AEBP2: variants seen among roughly 807,000 people sequenced by gnomAD.
AEBP2 encodes the protein zinc finger protein AEBP2.
In AEBP2, 10 loss-of-function variants were observed where a neutral mutation model predicts 50.8. The observed-to-expected ratio is 0.20, with a 90% CI of 0.12 to 0.33. The LOEUF is 0.33. Among genes scored for constraint, AEBP2 ranks in the 10% least tolerant of loss-of-function variants. The pLI, the probability that AEBP2 is intolerant of heterozygous loss-of-function variation, is 1.00. For missense variants in AEBP2, 570 were observed against 688.0 expected, an observed-to-expected ratio of 0.83 and a Z score of 1.92; for synonymous variants, 296 against 261.3, an observed-to-expected ratio of 1.13 and a Z score of -1.28.
At chr12:19,441,379 T>C (rs1399059741) in intron 1 of AEBP2, among the ~76,000 whole-genome samples, 2 of 152,220 alleles carry the variant, frequency 1.3e-5, no homozygotes, top group East Asian at 3.9e-4. Flanking sequence ...AAAACGAGAA[T>C]CACATGCATA....
chr12:19,404,168 T>C (rs2095734798), exon 1 of AEBP2: 1 of 152,296 alleles, frequency 6.6e-6, no homozygotes, highest in South Asian at 2.1e-4. Flanking sequence ...TCTTAACCTG[T>C]GACCATCGCC....
chr12:19,413,210 A>T (rs2095740418), intron 1 of AEBP2: 1 of 785,442 alleles, frequency 1.3e-6, no homozygotes, highest in Non-Finnish European at 2.4e-6. Context: ...AATGAGAAAC[A>T]GTATCTTAAC....
chr12:19,474,947 C>G (rs892117978), intron 3 of AEBP2, among the ~76,000 whole-genome samples: 1 of 152,148 alleles, frequency 6.6e-6, no homozygotes, highest in Non-Finnish European at 1.5e-5. Context: ...CATGCGCCAT[C>G]ACGCCTGGCG....
chr12:19,408,546 A>G (rs1048835292), intron 1 of AEBP2, among the ~76,000 whole-genome samples: 17 of 151,834 alleles, frequency 1.1e-4, no homozygotes, highest in African/African-American at 4.1e-4. Context: ...AAGAAAAAAA[A>G]AAAAAAAGAA....
chr12:19,464,356 T>C (rs1948433176), intron 2 of AEBP2, among the ~76,000 whole-genome samples: 1 of 152,150 alleles, frequency 6.6e-6, no homozygotes, highest in African/African-American at 2.4e-5. Context: ...GGCATGATGC[T>C]TTTTTGTCAC....
intron 1 of AEBP2, among the ~76,000 whole-genome samples, chr12:19,450,814 C>T (rs1302421767): frequency 6.7e-6 from 1 of 150,068 alleles, no homozygotes; most frequent in Non-Finnish European, 1.5e-5. Context: ...TGTACTCCTG[C>T]CTGAGTGACA....
At chr12:19,494,563 G>A (rs997608151) in intron 4 of AEBP2, among the ~76,000 whole-genome samples, 7 of 146,824 alleles carry the variant, frequency 4.8e-5, no homozygotes, top group Admixed American at 2.8e-4. Flanking sequence ...GTGCAATGGC[G>A]TGAGACAGGG....
intron 1 of AEBP2, chr12:19,413,575 T>C: frequency 1.6e-6 from 1 of 629,006 alleles, no homozygotes; most frequent in East Asian, 2.8e-5. Context: ...ATAAACTTGT[T>C]ATGCAAAATA....
In AEBP2 at chr12:19,415,655, TCAATACAATA is replaced by T. The variant is rs58109649; in HGVS notation, c.-17+11491_-17+11500del. Among the ~76,000 whole-genome samples, 497 of 131,978 alleles carry T rather than the reference TCAATACAATA, an allele frequency of 3.8e-3. 3 individuals carry two copies. Among genetic ancestry groups the T allele is most frequent in the Middle Eastern group, 0.011 (3 of 262 alleles). The allele number at this position is 131,978 out of a possible 152,430, so 86.6% of individuals were successfully genotyped here. A position where few individuals can be genotyped will look rare whatever the true frequency, so the allele number is the denominator to read the frequency against. ...AGGTTTACAGAGATGAGAGATTAAA[TCAATACAATA>T]CAATACAATACAATACAATACAATA... is the stretch of plus-strand genomic sequence containing the variant. On this transcript the variant is annotated intron_variant, in intron 1 of 3. Transcript: ENST00000538425.
chr12:19,434,354 G>A (rs2095753146), intron 1 of AEBP2, among the ~76,000 whole-genome samples: 1 of 151,746 alleles, frequency 6.6e-6, no homozygotes, highest in Admixed American at 6.6e-5. Flanking sequence ...TGTATTTGTA[G>A]TAGAAATGGG....
chr12:19,440,086 C>A lies in AEBP2; in HGVS notation c.387C>A (p.Ser129Arg). The A allele has an allele frequency of 6.6e-7, 1 of 1,508,936 alleles. No individual in the cohort carries two copies. Among genetic ancestry groups the A allele is most frequent in the Non-Finnish European group, 8.8e-7 (1 of 1,134,592 alleles). 93.5% of individuals were successfully genotyped at this position (1,508,936 alleles called of 1,614,324 possible). A position where few individuals can be genotyped will look rare whatever the true frequency, so the allele number is the denominator to read the frequency against. Residue 129 changes from serine to arginine, a missense_variant, in exon 1 of 8, where the codon AGC (serine) becomes AGA (arginine). Physicochemically the swap from Ser to Arg is moderately radical, Grantham distance 110. Around this residue, in one of 2 missense-constraint regions of AEBP2, gnomAD observed 386 missense variants for 336.8 expected, o/e 1.15. Coordinates refer to ENST00000266508, the MANE Select transcript of AEBP2 (RefSeq NM_153207.5). ...GCGCCGAGAGCCTGGTGGGCAGCAG[C>A]GGCGGGAGCAGCAGCGACGAGACCC... ...ESSAESLVGSSGGSSSDETRS... is the reference protein window; with the variant it reads ...ESSAESLVGSRGGSSSDETRS...
intron 1 of AEBP2, chr12:19,456,245 T>G: frequency 2.0e-6 from 3 of 1,517,980 alleles, no homozygotes; most frequent in Non-Finnish European, 2.7e-6. Flanking sequence ...GGGATAATAT[T>G]CATTTAGCCT....
chr12:19,477,540 A>G (rs1184977183), intron 3 of AEBP2, among the ~76,000 whole-genome samples: 1 of 152,144 alleles, frequency 6.6e-6, no homozygotes, highest in African/African-American at 2.4e-5. Context: ...TTCTGCATCT[A>G]TTGAGATCAC....
chr12:19,516,499 A>AT (rs1258302635), intron 7 of AEBP2, among the ~76,000 whole-genome samples: 2 of 151,908 alleles, frequency 1.3e-5, no homozygotes, highest in South Asian at 2.1e-4. Flanking sequence ...AAACCAGCTT[A>AT]TTTTTTTTCT....
At chr12:19,485,877 A>AT (rs1159372096) in intron 3 of AEBP2, among the ~76,000 whole-genome samples, 1 of 150,898 alleles carries the variant, frequency 6.6e-6, no homozygotes, top group African/African-American at 2.4e-5. Context: ...CTGGGAAAGG[A>AT]TAGTAGAAGA....
chr12:19,512,588 G>A (rs1187799380), intron 6 of AEBP2, 123 bp downstream of exon 6: 4 of 700,788 alleles, frequency 5.7e-6, no homozygotes, highest in Non-Finnish European at 9.1e-6. Flanking sequence ...ACGTTTTGAG[G>A]TTGTCAGGAT....
chr12:19,452,669 TTA>T (rs940955086), intron 1 of AEBP2, among the ~76,000 whole-genome samples: 2 of 152,200 alleles, frequency 1.3e-5, no homozygotes, highest in African/African-American at 2.4e-5. Flanking sequence ...ATTTTTACTC[TTA>T]GAGTTGTGCA....
At chr12:19,466,915 C>A (rs1592741903) in intron 2 of AEBP2, 7 of 658,786 alleles carry the variant, frequency 1.1e-5, no homozygotes, top group African/African-American at 2.0e-5. Context: ...ATAATCTTTG[C>A]CCTGGGGAGA....
intron 3 of AEBP2, among the ~76,000 whole-genome samples, chr12:19,488,921 T>C (rs1948856283): frequency 2.0e-5 from 3 of 152,146 alleles, no homozygotes; most frequent in African/African-American, 7.2e-5. Context: ...TCCAAGTAGC[T>C]GGGATTACAG....
Sources: gnomAD v4.1 joint callset for allele counts (sites outside exome capture counted in the v4.1 genomes callset) on GRCh38, gnomAD v4.1.1 for gene constraint, gnomAD v4.1.1 regional missense constraint, MANE v1.5 for transcripts, NCBI Gene and HGNC (gene_info 2026-07-23, HGNC 2026-07-21) for gene names.